The following LRBA variants were observed in gnomAD, a reference collection of about 807,000 sequenced individuals.
LRBA encodes LPS responsive beige-like anchor protein.
Under a neutral mutation model 330.0 loss-of-function variants are expected in LRBA, and 176 were observed. The observed-to-expected ratio is 0.53, with a 90% CI of 0.47 to 0.60. The LOEUF is 0.60. Ranked by LOEUF, LRBA falls within the 20% of genes least tolerant of loss-of-function variation. The pLI is 0.00. For missense variants in LRBA, 3,259 were observed against 3,444.8 expected (o/e 0.95, Z 1.35); for synonymous variants, 1,230 against 1,193.0 (o/e 1.03, Z -0.64).
intron 40 of LRBA, among the ~76,000 whole-genome samples, chr4:150,573,489 C>T (rs940867495): frequency 6.6e-6 from 1 of 152,070 alleles, no homozygotes; most frequent in Non-Finnish European, 1.5e-5. Flanking sequence ...AATAACAATG[C>T]CCATTTAAGA....
intron 31 of LRBA, among the ~76,000 whole-genome samples, chr4:150,816,857 T>A (rs1744671411): frequency 6.6e-6 from 1 of 151,982 alleles, no homozygotes; most frequent in African/African-American, 2.4e-5. Flanking sequence ...TTTATGAATC[T>A]ATCATTCATC....
At chr4:150,821,566 C>G (rs1046676889) in intron 30 of LRBA, among the ~76,000 whole-genome samples, 11 of 152,184 alleles carry the variant, frequency 7.2e-5, no homozygotes, top group African/African-American at 2.4e-4. Flanking sequence ...GCAACAATGC[C>G]TTCCCGATCA....
At chr4:150,578,211 A>C (rs1409624561) in intron 40 of LRBA, among the ~76,000 whole-genome samples, 1 of 152,228 alleles carries the variant, frequency 6.6e-6, no homozygotes, top group Non-Finnish European at 1.5e-5. Flanking sequence ...CATGTTGATA[A>C]ATCTAATACT....
intron 37 of LRBA, among the ~76,000 whole-genome samples, chr4:150,678,469 G>T (rs919032379): frequency 1.3e-5 from 2 of 152,070 alleles, no homozygotes; most frequent in African/African-American, 2.4e-5. Context: ...GAGCATATAG[G>T]TGAGTCTCAT....
At chr4:151,008,435 G>A (rs1038867042) in intron 2 of LRBA, among the ~76,000 whole-genome samples, 7 of 151,886 alleles carry the variant, frequency 4.6e-5, no homozygotes, top group Non-Finnish European at 5.9e-5. Flanking sequence ...GCTATACTGG[G>A]GACATTGGTT....
Position 150,435,588 on chromosome 4 carries a change from C to A in LRBA, c.7041+1G>T, listed in dbSNP as rs1751004213. On this transcript the variant is annotated splice_donor_variant, in intron 46 of 56. Coordinates refer to ENST00000651943, the MANE Select transcript of LRBA (RefSeq NM_001364905.1). LOFTEE classifies it high-confidence loss of function. ...AACTATAAAACAAAACATTTCTGTA[C>A]CTTAATATCAGAGGTATCACGCTGA... is the stretch of plus-strand genomic sequence containing the variant. 6.2e-7 allele frequency: 1 copy of A among 1,604,110 alleles called. No homozygotes were observed. The highest frequency in any genetic ancestry group is 2.2e-5 in the East Asian group (1 of 44,718).
chr4:150,521,274 T>C (rs1200493261), intron 40 of LRBA, among the ~76,000 whole-genome samples: 1 of 152,160 alleles, frequency 6.6e-6, no homozygotes, highest in Non-Finnish European at 1.5e-5. Flanking sequence ...TCTTCTGACT[T>C]CTTAATGATG....
intron 40 of LRBA, among the ~76,000 whole-genome samples, chr4:150,512,449 T>C (rs1444280281): frequency 6.6e-6 from 1 of 152,122 alleles, no homozygotes; most frequent in Non-Finnish European, 1.5e-5. Context: ...GATTTGGACT[T>C]TGGGAGGTGA....
Position 150,934,968 on chromosome 4 carries a change from A to G in LRBA, c.217-5903T>C, listed in dbSNP as rs907312208. Among the ~76,000 whole-genome samples the G allele has an allele frequency of 3.3e-5, 5 of 150,496 alleles. No homozygotes were observed. In the East Asian group the frequency reaches 9.9e-4, roughly 30 times the overall value. ...GGATGCGGTGAGCCGAGATCGCGCC[A>G]TTGCACTCTAGCCTGGGCAACAAGA... On this transcript the variant is annotated intron_variant, in intron 2 of 56. Transcript: ENST00000651943.
chr4:150,576,461 C>T (rs1023447864), intron 40 of LRBA, among the ~76,000 whole-genome samples: 5 of 151,830 alleles, frequency 3.3e-5, no homozygotes, highest in African/African-American at 9.7e-5. Flanking sequence ...CACATTCTAG[C>T]GCAATAATAT....
intron 2 of LRBA, among the ~76,000 whole-genome samples, chr4:150,937,513 G>A (rs1049742034): frequency 3.9e-5 from 6 of 152,006 alleles, no homozygotes; most frequent in African/African-American, 1.4e-4. Context: ...CTTTTTTATG[G>A]TTGTATTTTT....
At chr4:150,622,376 A>T (rs983960438) in intron 37 of LRBA, among the ~76,000 whole-genome samples, 1 of 152,152 alleles carries the variant, frequency 6.6e-6, no homozygotes, top group African/African-American at 2.4e-5. Context: ...CCATCTCTAC[A>T]AAAGTTATAA....
intron 8 of LRBA, among the ~76,000 whole-genome samples, chr4:150,915,088 T>G (rs536846788): frequency 6.6e-5 from 10 of 151,946 alleles, no homozygotes; most frequent in Non-Finnish European, 1.0e-4. Context: ...AAAAGAGGAG[T>G]TAATGGTGTG....
chr4:150,471,291 T>C (rs532865014), intron 43 of LRBA, among the ~76,000 whole-genome samples: 2 of 152,126 alleles, frequency 1.3e-5, no homozygotes, highest in Non-Finnish European at 2.9e-5. Flanking sequence ...TCCATCCTTA[T>C]ACAACCATTG....
intron 17 of LRBA, among the ~76,000 whole-genome samples, chr4:150,877,003 C>G (rs1249507167): frequency 2.0e-5 from 3 of 152,068 alleles, no homozygotes; most frequent in Non-Finnish European, 4.4e-5. Context: ...CCTGTAATCC[C>G]AGCACTTTGG....
intron 36 of LRBA, among the ~76,000 whole-genome samples, chr4:150,696,180 A>C (rs1582075037): frequency 6.6e-6 from 1 of 152,200 alleles, no homozygotes; most frequent in South Asian, 2.1e-4. Flanking sequence ...AGTGAGCCAT[A>C]ATCAGGCCAC....
chr4:150,665,283 G>A (rs1361590500), intron 37 of LRBA, among the ~76,000 whole-genome samples: 1 of 152,154 alleles, frequency 6.6e-6, no homozygotes, highest in Non-Finnish European at 1.5e-5. Flanking sequence ...TAGACTCCCA[G>A]AAAGAAAACT....
At chr4:150,915,537 ACTTT>A (rs1244058464) in intron 8 of LRBA, 67 bp downstream of exon 8, 1 of 1,393,054 alleles carries the variant, frequency 7.2e-7, no homozygotes, top group African/African-American at 1.5e-5. Context: ...AAGTTGTAAA[ACTTT>A]TTCTTGTTTA....
At chr4:150,776,130 T>C (rs567117136) in intron 34 of LRBA, among the ~76,000 whole-genome samples, 1 of 152,056 alleles carries the variant, frequency 6.6e-6, no homozygotes, top group Non-Finnish European at 1.5e-5. Flanking sequence ...TCACAAAAGA[T>C]TAATGTTCAA....
Sources: gnomAD v4.1 joint callset for allele counts (sites outside exome capture counted in the v4.1 genomes callset) on GRCh38, gnomAD v4.1.1 for gene constraint, MANE v1.5 for transcripts, NCBI Gene and HGNC (gene_info 2026-07-23, HGNC 2026-07-21) for gene names.